The following SGCZ variants were observed in gnomAD, a reference collection of about 807,000 sequenced individuals.
SGCZ encodes the protein sarcoglycan zeta.
In SGCZ, 40 loss-of-function variants were observed where a neutral mutation model predicts 41.3. That is an observed-to-expected ratio of 0.97 (90% CI 0.75 to 1.26). The LOEUF (loss-of-function observed/expected upper bound fraction) is 1.26. SGCZ is among the 50% of genes most tolerant of loss of function. The pLI is 0.00. For synonymous variants in SGCZ, 206 were observed against 137.5 expected (o/e 1.50, Z -3.49); for missense variants, 552 against 369.8 (o/e 1.49, Z -4.04).
intron 1 of SGCZ, among the ~76,000 whole-genome samples, chr8:14,786,977 T>A (rs957028231): frequency 2.0e-4 from 31 of 151,966 alleles, no homozygotes; most frequent in African/African-American, 5.8e-4. Context: ...AGGTTGAAAA[T>A]TAGAGCACCA....
intron 4 of SGCZ, among the ~76,000 whole-genome samples, chr8:14,221,722 G>T (rs968031741): frequency 2.0e-5 from 3 of 152,104 alleles, no homozygotes; most frequent in African/African-American, 7.2e-5. Context: ...GATCACCTGA[G>T]GTCAGGAGTT....
At chr8:14,463,613 C>T (rs1013282918) in intron 2 of SGCZ, among the ~76,000 whole-genome samples, 2 of 151,652 alleles carry the variant, frequency 1.3e-5, no homozygotes. Flanking sequence ...ACTAAAGGCA[C>T]AGACAACAAA....
intron 1 of SGCZ, among the ~76,000 whole-genome samples, chr8:14,950,039 C>G (rs938661354): frequency 6.6e-6 from 1 of 152,018 alleles, no homozygotes; most frequent in African/African-American, 2.4e-5. Flanking sequence ...GACCCAGCTA[C>G]TAAAGGCTTT....
At chr8:14,700,151 C>T (rs1026679481) in intron 1 of SGCZ, among the ~76,000 whole-genome samples, 1 of 151,870 alleles carries the variant, frequency 6.6e-6, no homozygotes, top group African/African-American at 2.4e-5. Flanking sequence ...AAGATACATG[C>T]ACTAGAACGC....
chr8:14,266,353 T>A (rs1283359712), intron 3 of SGCZ, among the ~76,000 whole-genome samples: 1 of 152,138 alleles, frequency 6.6e-6, no homozygotes, highest in Non-Finnish European at 1.5e-5. Flanking sequence ...GGAATCAATA[T>A]GATGATAATA....
intron 1 of SGCZ, among the ~76,000 whole-genome samples, chr8:15,172,179 T>G (rs1325591868): frequency 2.3e-4 from 33 of 142,268 alleles, no homozygotes; most frequent in Non-Finnish European, 4.1e-4. Context: ...TTTTTTTTTT[T>G]GAGACGGAGT....
At chr8:14,463,344 C>G (rs1317270312) in intron 2 of SGCZ, among the ~76,000 whole-genome samples, 2 of 148,064 alleles carry the variant, frequency 1.4e-5, no homozygotes, top group African/African-American at 5.0e-5. Context: ...TAGTGTAGTA[C>G]TGGAATAAAC....
chr8:15,023,148 A>G (rs1803319298), intron 1 of SGCZ, among the ~76,000 whole-genome samples: 1 of 152,216 alleles, frequency 6.6e-6, no homozygotes, highest in African/African-American at 2.4e-5. Context: ...AAATCAGATA[A>G]TCACGCTTGC....
chr8:15,024,196 C>G (rs1037945687), intron 1 of SGCZ, among the ~76,000 whole-genome samples: 6 of 152,008 alleles, frequency 3.9e-5, no homozygotes, highest in Non-Finnish European at 5.9e-5. Context: ...GCACCATAAA[C>G]AAATACATGT....
At chr8:14,887,154 T>C (rs1032370493) in intron 1 of SGCZ, among the ~76,000 whole-genome samples, 6 of 152,126 alleles carry the variant, frequency 3.9e-5, no homozygotes, top group African/African-American at 7.2e-5. Flanking sequence ...CAGACAAATA[T>C]ACAAGTCTGG....
chr8:14,994,972 T>A (rs908333982), intron 1 of SGCZ, among the ~76,000 whole-genome samples: 1 of 152,192 alleles, frequency 6.6e-6, no homozygotes, highest in Non-Finnish European at 1.5e-5. Flanking sequence ...TCCCCTAATA[T>A]TATGTGTTGT....
chr8:14,800,005 T>C (rs1801267921), intron 1 of SGCZ, among the ~76,000 whole-genome samples: 1 of 152,204 alleles, frequency 6.6e-6, no homozygotes, highest in Non-Finnish European at 1.5e-5. Context: ...CAAGAAAAAA[T>C]GTAGATAATT....
chr8:14,559,370 C>G (rs1016307678), intron 1 of SGCZ, among the ~76,000 whole-genome samples: 18 of 152,070 alleles, frequency 1.2e-4, no homozygotes, highest in African/African-American at 3.4e-4. Context: ...AGAACTCGAC[C>G]CCTTTTACCA....
At chr8:14,869,931 G>C (rs1258067747) in intron 1 of SGCZ, among the ~76,000 whole-genome samples, 1 of 152,110 alleles carries the variant, frequency 6.6e-6, no homozygotes, top group Admixed American at 6.6e-5. Context: ...ACTAAGAGAG[G>C]ACACAAACAA....
At chr8:14,857,902 G>A (rs944449777) in intron 1 of SGCZ, among the ~76,000 whole-genome samples, 2 of 151,998 alleles carry the variant, frequency 1.3e-5, no homozygotes, top group Admixed American at 6.6e-5. Flanking sequence ...AACAAATGCA[G>A]ATTTTTTGGT....
chr8:14,263,838 G>T (rs1054571300), intron 3 of SGCZ, among the ~76,000 whole-genome samples: 3 of 152,170 alleles, frequency 2.0e-5, no homozygotes, highest in African/African-American at 4.8e-5. Flanking sequence ...ACTCCAAGAA[G>T]CACAACTCAG....
intron 1 of SGCZ, among the ~76,000 whole-genome samples, chr8:15,000,312 C>T (rs916585345): frequency 3.9e-5 from 6 of 152,104 alleles, no homozygotes; most frequent in Non-Finnish European, 2.9e-5. Context: ...GCAACCCTAG[C>T]AAACTTTAAA....
intron 2 of SGCZ, among the ~76,000 whole-genome samples, chr8:14,421,335 G>C (rs760532859): frequency 6.6e-6 from 1 of 151,912 alleles, no homozygotes; most frequent in Non-Finnish European, 1.5e-5. Context: ...GAGGCAATTT[G>C]TAACATTTTC....
chr8:15,070,326 T>C (rs1431001428), intron 1 of SGCZ, among the ~76,000 whole-genome samples: 1 of 152,200 alleles, frequency 6.6e-6, no homozygotes, highest in African/African-American at 2.4e-5. Context: ...AAGGCTTTCC[T>C]ACATATAAAA....
Sources: gnomAD v4.1 joint callset for allele counts (sites outside exome capture counted in the v4.1 genomes callset) on GRCh38, gnomAD v4.1.1 for gene constraint, MANE v1.5 for transcripts, NCBI Gene and HGNC (gene_info 2026-07-23, HGNC 2026-07-21) for gene names.